The following BRWD1 variants were observed in gnomAD, a reference collection of about 807,000 sequenced individuals.
BRWD1 encodes bromodomain and WD repeat-containing protein 1.
BRWD1 carries 82 observed loss-of-function variants against 251.2 expected under a neutral mutation model. The ratio of observed to expected loss-of-function variants is 0.33; its 90% CI spans 0.27 to 0.39. The LOEUF is 0.39. BRWD1 is among the 10% of genes least tolerant of loss of function. The probability of loss-of-function intolerance (pLI) is 1.00; values close to 1 mark genes in which losing one functional copy is unlikely to be tolerated. For missense variants in BRWD1, 2,233 were observed against 2,711.6 expected, an observed-to-expected ratio of 0.82 and a Z score of 3.92; for synonymous variants, 918 against 902.8, an observed-to-expected ratio of 1.02 and a Z score of -0.30.
intron 40 of BRWD1, among the ~76,000 whole-genome samples, chr21:39,198,301 G>A (rs572213355): frequency 2.2e-4 from 34 of 152,238 alleles, no homozygotes; most frequent in Non-Finnish European, 4.4e-4. Flanking sequence ...GCTTATTAAT[G>A]GAAAACATTT....
Position 39,188,502 on chromosome 21 carries a change from A to G in BRWD1, c.*7757T>C, listed in dbSNP as rs2031372096. 1 of 985,382 alleles carries G rather than the reference A, an allele frequency of 1.0e-6. No homozygotes were observed. The highest frequency in any genetic ancestry group is 1.2e-6 in the Non-Finnish European group (1 of 829,896). The allele number at this position is 985,382 out of a possible 1,614,324, so 61.0% of individuals were successfully genotyped here. A position where few individuals can be genotyped will look rare whatever the true frequency, so the allele number is the denominator to read the frequency against. On this transcript the variant is annotated 3_prime_UTR_variant, in exon 41 of 41. Coordinates refer to ENST00000342449, the MANE Select transcript of BRWD1 (RefSeq NM_033656.4). Reference sequence around the variant, plus strand: ...TCAAGTAACACTATTATTCTGTAGCAATGAAACCACCAATGCCAACCTTCT... The same window carrying G: ...TCAAGTAACACTATTATTCTGTAGCGATGAAACCACCAATGCCAACCTTCT...
rs1219487480 is a variant in BRWD1, at chr21:39,192,036, C to T, written c.*4223G>A. 1.0e-6 allele frequency: 1 copy of T among 984,832 alleles called. No individual in the cohort carries two copies. The highest frequency in any genetic ancestry group is 1.2e-6 in the Non-Finnish European group (1 of 829,552). 61.0% of individuals were successfully genotyped at this position (984,832 alleles called of 1,614,324 possible). A position where few individuals can be genotyped will look rare whatever the true frequency, so the allele number is the denominator to read the frequency against. On this transcript the variant is annotated 3_prime_UTR_variant, in exon 41 of 41. Transcript: ENST00000342449. ...AAATGATGTGACTCTCCCCCTCCCT[C>T]CATCAAATCTAGAAAAGCAATTCTT...
At chr21:39,297,622 C>T (rs1362086376) in intron 5 of BRWD1, 1 of 236,480 alleles carries the variant, frequency 4.2e-6, no homozygotes, top group Admixed American at 6.5e-5. Flanking sequence ...GGCTAGAGCA[C>T]TAAGAAACAA....
chr21:39,257,081 A>G (rs1601399435), intron 18 of BRWD1, among the ~76,000 whole-genome samples: 1 of 152,166 alleles, frequency 6.6e-6, no homozygotes, highest in Admixed American at 6.6e-5. Context: ...ACAATCTGAA[A>G]ACATGCATAA....
intron 33 of BRWD1, among the ~76,000 whole-genome samples, chr21:39,213,101 T>C (rs925957923): frequency 6.6e-6 from 1 of 152,164 alleles, no homozygotes; most frequent in African/African-American, 2.4e-5. Flanking sequence ...TCTAACTTTT[T>C]TATTTATTGT....
intron 5 of BRWD1, chr21:39,297,659 G>A (rs1246878937): frequency 4.2e-6 from 1 of 239,164 alleles, no homozygotes. Flanking sequence ...AGTCTGGCAC[G>A]GAACTAAGAG....
chr21:39,270,183 T>C, intron 14 of BRWD1, 100 bp downstream of exon 14: 2 of 1,254,340 alleles, frequency 1.6e-6, no homozygotes, highest in Non-Finnish European at 2.1e-6. Flanking sequence ...ATAGTTTACA[T>C]GAGAGAAACA....
intron 4 of BRWD1, among the ~76,000 whole-genome samples, chr21:39,312,305 TAC>T (rs2036513037): frequency 6.6e-6 from 1 of 152,268 alleles, no homozygotes. Flanking sequence ...GCACAAGCAC[TAC>T]AGTGGCATAT....
At chr21:39,229,907 A>C (rs1246391764) in intron 25 of BRWD1, among the ~76,000 whole-genome samples, 1 of 152,016 alleles carries the variant, frequency 6.6e-6, no homozygotes, top group Non-Finnish European at 1.5e-5. Context: ...CACCAAGCTA[A>C]TTTTTTATTA....
chr21:39,292,548 T>C (rs184675428), intron 8 of BRWD1, among the ~76,000 whole-genome samples: 16 of 152,150 alleles, frequency 1.1e-4, no homozygotes, highest in Admixed American at 3.9e-4. Context: ...ACTTTGGGAG[T>C]AGTGCCTAAC....
chr21:39,187,541 ATAAAT>A lies in BRWD1; in HGVS notation c.*8713_*8717del. The A allele has an allele frequency of 7.1e-7, 1 of 1,399,530 alleles. No homozygotes were observed. The highest frequency in any genetic ancestry group is 1.7e-5 in the South Asian group (1 of 58,312). 86.7% of individuals were successfully genotyped at this position (1,399,530 alleles called of 1,614,324 possible). On this transcript the variant is annotated 3_prime_UTR_variant, in exon 41 of 41. Coordinates refer to ENST00000342449, the MANE Select transcript of BRWD1 (RefSeq NM_033656.4). ...AATTTAAAAGTCATATTGCTAAATG[ATAAAT>A]TTTAAAATGTGATACTAAGGGCTTC...
chr21:39,265,119 C>G (rs543588266), intron 15 of BRWD1, 100 bp from the exon 16 acceptor site: 1 of 1,115,286 alleles, frequency 9.0e-7, no homozygotes, highest in African/African-American at 1.7e-5. Context: ...TATATCCCTT[C>G]TGAAAAAAAA....
intron 36 of BRWD1, among the ~76,000 whole-genome samples, chr21:39,209,157 C>T (rs2032544548): frequency 6.6e-6 from 1 of 152,020 alleles, no homozygotes; most frequent in Admixed American, 6.6e-5. Context: ...ACACTAACTT[C>T]CCCCAAATTT....
At position 39,193,718 on chromosome 21, in the gene BRWD1, G is replaced by T; in HGVS notation, c.*2541C>A. 1 of 985,304 alleles carries T rather than the reference G, an allele frequency of 1.0e-6. No individual in the cohort carries two copies. The highest frequency in any genetic ancestry group is 1.2e-6 in the Non-Finnish European group (1 of 829,626). 61.0% of individuals were successfully genotyped at this position (985,304 alleles called of 1,614,324 possible). On this transcript the variant is annotated 3_prime_UTR_variant, in exon 41 of 41. Coordinates refer to ENST00000342449, the MANE Select transcript of BRWD1 (RefSeq NM_033656.4). ...TTATAACCCTTTATCTTTTTCTCAA[G>T]AATACTACAAACTGACCCTAAACAT...
At chr21:39,224,525 A>T in intron 28 of BRWD1, 56 bp from the exon 29 acceptor site, 1 of 1,115,896 alleles carries the variant, frequency 9.0e-7, no homozygotes, top group South Asian at 1.4e-5. Context: ...AATGTGGATA[A>T]TAGGTATCCA....
chr21:39,216,711 G>T, intron 31 of BRWD1: 1 of 419,102 alleles, frequency 2.4e-6, no homozygotes, highest in Non-Finnish European at 4.8e-6. Context: ...CTGCTTTTTG[G>T]ACTGTGTTAA....
rs553213181 is a variant in BRWD1 at position 39,213,501 on chromosome 21, C to T, written c.3838G>A (p.Glu1280Lys). Reference sequence around the variant, plus strand: ...CATACCAAATCCTCAGCATTTTGCTCATCATTTTCAGATGTGTTAGAAAGT... The same window carrying T: ...CATACCAAATCCTCAGCATTTTGCTTATCATTTTCAGATGTGTTAGAAAGT... ...SELSNTSENDEQNAEDLDDSD... is the reference protein window; with the variant it reads ...SELSNTSENDKQNAEDLDDSD... Residue 1280 changes from glutamate to lysine, a missense_variant, in exon 33 of 41, where the codon GAG becomes AAG. Coordinates refer to ENST00000342449, the MANE Select transcript of BRWD1 (RefSeq NM_033656.4). The T allele has an allele frequency of 2.5e-6, 4 of 1,611,384 alleles. No homozygotes were observed. In the Admixed American group the frequency reaches 6.7e-5, roughly 27 times the overall value.
intron 22 of BRWD1, among the ~76,000 whole-genome samples, chr21:39,237,984 G>T (rs2033868414): frequency 6.6e-6 from 1 of 152,030 alleles, no homozygotes; most frequent in South Asian, 2.1e-4. Flanking sequence ...TGATCTGAGT[G>T]ATAGGAAGGA....
At chr21:39,217,008 CAA>C (rs2032924018) in intron 31 of BRWD1, 6 of 80,462 alleles carry the variant, frequency 7.5e-5, no homozygotes, top group African/African-American at 2.7e-4. Context: ...TTAGCTCCCA[CAA>C]ATATATATAT....
Sources: allele counts gnomAD v4.1 joint callset (sites outside exome capture counted in the v4.1 genomes callset), GRCh38; gene constraint gnomAD v4.1.1; transcripts MANE v1.5; gene names NCBI Gene and HGNC (gene_info 2026-07-23, HGNC 2026-07-21).